The following ADAMTS19 variants were observed in gnomAD, a reference collection of about 807,000 sequenced individuals.
ADAMTS19 encodes the protein ADAM metallopeptidase with thrombospondin type 1 motif 19, also known as A disintegrin and metalloproteinase with thrombospondin motifs 19.
In ADAMTS19, 93 loss-of-function variants were observed where a neutral mutation model predicts 153.3. The observed-to-expected ratio is 0.61, with a 90% CI of 0.51 to 0.72. The LOEUF (loss-of-function observed/expected upper bound fraction) is 0.72. Ranked by LOEUF, ADAMTS19 falls within the 30% of genes least tolerant of loss-of-function variation. The pLI is 0.00. For missense variants in ADAMTS19, 1,482 were observed against 1,552.1 expected, an observed-to-expected ratio of 0.95 and a Z score of 0.76; for synonymous variants, 600 against 556.6, an observed-to-expected ratio of 1.08 and a Z score of -1.10.
chr5:129,558,724 C>T (rs556790524), intron 7 of ADAMTS19, among the ~76,000 whole-genome samples: 1 of 152,072 alleles, frequency 6.6e-6, no homozygotes, highest in African/African-American at 2.4e-5. Context: ...AGGAAGGAAA[C>T]CTGCGCTATC....
At chr5:129,654,213 T>G in intron 13 of ADAMTS19, 93 bp from the exon 14 acceptor site, 1 of 1,213,070 alleles carries the variant, frequency 8.2e-7, no homozygotes, top group Non-Finnish European at 1.1e-6. Context: ...AATTATATTT[T>G]TTACTCAATA....
At chr5:129,534,768 C>G (rs1253216261) in intron 6 of ADAMTS19, among the ~76,000 whole-genome samples, 3 of 152,206 alleles carry the variant, frequency 2.0e-5, no homozygotes, top group Non-Finnish European at 2.9e-5. Context: ...GCTTGTTCAA[C>G]ATACGAAAAT....
intron 2 of ADAMTS19, among the ~76,000 whole-genome samples, chr5:129,480,176 G>T (rs759478784): frequency 3.9e-5 from 6 of 152,126 alleles, no homozygotes; most frequent in African/African-American, 1.4e-4. Flanking sequence ...GAAAGTTACC[G>T]ATGTAATTCA....
At chr5:129,565,735 C>T (rs187116555) in intron 7 of ADAMTS19, among the ~76,000 whole-genome samples, 23 of 152,092 alleles carry the variant, frequency 1.5e-4, no homozygotes, top group Admixed American at 5.9e-4. Flanking sequence ...TCATAGCTTA[C>T]GAGAATAAAT....
chr5:129,560,822 T>C (rs979077883), intron 7 of ADAMTS19, among the ~76,000 whole-genome samples: 5 of 152,202 alleles, frequency 3.3e-5, no homozygotes, highest in Admixed American at 1.3e-4. Flanking sequence ...ACTTGGATAA[T>C]TGGTTTTATA....
At position 129,551,896 on chromosome 5, in the gene ADAMTS19, G is replaced by T; in HGVS notation, c.1361G>T (p.Cys454Phe). 6.3e-7 allele frequency: 1 copy of T among 1,578,384 alleles called. No homozygotes were observed. Among genetic ancestry groups the T allele is most frequent in the Non-Finnish European group, 8.6e-7 (1 of 1,164,152 alleles). The change falls in exon 7 of 23, where the codon TGT becomes TTT. Residue 454 changes from cysteine (C) to phenylalanine (F), a missense_variant. By Grantham distance (205) the Cys-to-Phe change is radical (BLOSUM62 -2). Transcript: ENST00000274487. ...TTCTGTGTGCACAAAGATGAACCAT[G>T]TGATACTGTTGGTAAGTGTGAAAAT... is the stretch of plus-strand genomic sequence containing the variant. ...KDFCVHKDEP[C>F]DTVGIAYLSG...
chr5:129,658,874 G>A (rs1753708613), intron 15 of ADAMTS19, 137 bp downstream of exon 15: 2 of 992,356 alleles, frequency 2.0e-6, no homozygotes, highest in Non-Finnish European at 2.8e-6. Context: ...TTTTTGTGAT[G>A]ACATACAATA....
chr5:129,658,283 C>A (rs1753633897), intron 14 of ADAMTS19, among the ~76,000 whole-genome samples: 1 of 128,014 alleles, frequency 7.8e-6, no homozygotes, highest in African/African-American at 3.2e-5. Context: ...CAGACCCCAT[C>A]TGAAAGAAAA....
At chr5:129,512,709 T>C (rs1286215149) in intron 3 of ADAMTS19, among the ~76,000 whole-genome samples, 2 of 152,060 alleles carry the variant, frequency 1.3e-5, no homozygotes, top group African/African-American at 4.8e-5. Flanking sequence ...GAGGGAAATA[T>C]ACTTTTCTAA....
chr5:129,619,385 C>T (rs1751676156), intron 8 of ADAMTS19, among the ~76,000 whole-genome samples: 1 of 151,814 alleles, frequency 6.6e-6, no homozygotes, highest in Admixed American at 6.6e-5. Context: ...TTATAAATTC[C>T]CTTATATGAT....
intron 18 of ADAMTS19, among the ~76,000 whole-genome samples, chr5:129,690,640 T>A (rs1167382979): frequency 6.6e-6 from 1 of 152,162 alleles, no homozygotes; most frequent in Admixed American, 6.5e-5. Context: ...CATGACATGA[T>A]TTTGAAAGTC....
chr5:129,543,048 G>GT (rs745799730), intron 6 of ADAMTS19, among the ~76,000 whole-genome samples: 13,299 of 140,188 alleles, frequency 0.095, 662 homozygotes, highest in African/African-American at 0.12. Flanking sequence ...TTGTTGTTTT[G>GT]TTTTTTTTTT....
intron 21 of ADAMTS19, among the ~76,000 whole-genome samples, chr5:129,731,325 G>A (rs1268996435): frequency 6.6e-6 from 1 of 151,988 alleles, no homozygotes; most frequent in Non-Finnish European, 1.5e-5. Context: ...CAACTGTAGA[G>A]GTAGAAATAG....
chr5:129,638,654 T>C (rs1041427959), intron 10 of ADAMTS19, among the ~76,000 whole-genome samples: 2 of 152,112 alleles, frequency 1.3e-5, no homozygotes, highest in Non-Finnish European at 2.9e-5. Flanking sequence ...AGAATGTTTC[T>C]AAAATTTTAT....
At chr5:129,607,792 C>T (rs998799649) in intron 8 of ADAMTS19, among the ~76,000 whole-genome samples, 1 of 151,696 alleles carries the variant, frequency 6.6e-6, no homozygotes, top group African/African-American at 2.4e-5. Context: ...CCAAATCTAG[C>T]AATTGTAGTA....
intron 17 of ADAMTS19, among the ~76,000 whole-genome samples, chr5:129,682,409 TAAGA>T (rs1754862881): frequency 6.6e-6 from 1 of 152,208 alleles, no homozygotes; most frequent in African/African-American, 2.4e-5. Context: ...TCAAATGGTT[TAAGA>T]AAGAGCTAAT....
chr5:129,635,699 G>A (rs990886767), intron 10 of ADAMTS19, among the ~76,000 whole-genome samples: 1 of 152,066 alleles, frequency 6.6e-6, no homozygotes, highest in Non-Finnish European at 1.5e-5. Flanking sequence ...AGAGCTAAAT[G>A]GACACAGAGG....
chr5:129,599,118 A>G (rs4836466), intron 8 of ADAMTS19, among the ~76,000 whole-genome samples: 77,488 of 151,758 alleles, frequency 0.51, 22,898 homozygotes, highest in Non-Finnish European at 0.66. Context: ...ATACTTTAAC[A>G]TCATCATCCT....
At chr5:129,593,220 C>T (rs1750226619) in intron 7 of ADAMTS19, among the ~76,000 whole-genome samples, 1 of 152,142 alleles carries the variant, frequency 6.6e-6, no homozygotes, top group Non-Finnish European at 1.5e-5. Flanking sequence ...GTTTTTGAGC[C>T]TTAGCATCTT....
Sources: allele counts gnomAD v4.1 joint callset (sites outside exome capture counted in the v4.1 genomes callset), GRCh38; gene constraint gnomAD v4.1.1; transcripts MANE v1.5; gene names NCBI Gene and HGNC (gene_info 2026-07-23, HGNC 2026-07-21).